SORCS3: variants seen among roughly 807,000 people sequenced by gnomAD.
SORCS3 encodes the protein sortilin related VPS10 domain containing receptor 3.
In SORCS3, 57 loss-of-function variants were observed where a neutral mutation model predicts 146.3. The ratio of observed to expected loss-of-function variants is 0.39; its 90% confidence interval spans 0.31 to 0.49. The LOEUF (loss-of-function observed/expected upper bound fraction) is 0.49, where lower values mean the gene tolerates loss of function less well. Ranked by LOEUF, SORCS3 falls within the 20% of genes least tolerant of loss-of-function variation. The pLI, the probability that SORCS3 is intolerant of heterozygous loss-of-function variation, is 0.92. For synonymous variants in SORCS3, 653 were observed against 618.5 expected (o/e 1.06, Z -0.83); for missense variants, 1,341 against 1,575.5 (o/e 0.85, Z 2.52).
At chr10:104,907,159 C>T (rs1034036461) in intron 2 of SORCS3, among the ~76,000 whole-genome samples, 1 of 133,796 alleles carries the variant, frequency 7.5e-6, no homozygotes, top group South Asian at 2.3e-4. Context: ...GTGTGTAATA[C>T]ACTCTATTTA....
chr10:104,702,339 AG>A (rs1230892973), intron 1 of SORCS3, among the ~76,000 whole-genome samples: 1 of 152,180 alleles, frequency 6.6e-6, no homozygotes, highest in Non-Finnish European at 1.5e-5. Flanking sequence ...GCTGCAGTTC[AG>A]TGGCACGATT....
At chr10:105,139,532 G>C in intron 8 of SORCS3, 46 bp downstream of exon 8, 1 of 1,426,894 alleles carries the variant, frequency 7.0e-7, no homozygotes. Context: ...TAGGCAAAGG[G>C]AGGGTTGGAG....
chr10:105,233,421 T>G (rs774116783), intron 20 of SORCS3, among the ~76,000 whole-genome samples: 7 of 152,212 alleles, frequency 4.6e-5, no homozygotes, highest in Admixed American at 6.5e-5. Context: ...CTTTTTTTAA[T>G]TATACTTTAA....
intron 2 of SORCS3, among the ~76,000 whole-genome samples, chr10:104,884,206 C>G (rs1240498692): frequency 1.3e-5 from 2 of 152,052 alleles, no homozygotes; most frequent in African/African-American, 4.8e-5. Flanking sequence ...AGTTTGCAAC[C>G]CTGCAGGTGA....
intron 3 of SORCS3, among the ~76,000 whole-genome samples, chr10:104,961,246 T>C (rs1391868949): frequency 2.6e-5 from 4 of 152,196 alleles, no homozygotes; most frequent in Non-Finnish European, 5.9e-5. Context: ...ACTCGTTAGA[T>C]ATTTCTGAAA....
intron 3 of SORCS3, among the ~76,000 whole-genome samples, chr10:104,958,500 AG>A (rs1403755061): frequency 6.6e-6 from 1 of 152,202 alleles, no homozygotes; most frequent in African/African-American, 2.4e-5. Context: ...CTGGATTATC[AG>A]GTCGGCCATT....
At chr10:104,765,938 C>G (rs2017175064) in intron 1 of SORCS3, among the ~76,000 whole-genome samples, 1 of 152,156 alleles carries the variant, frequency 6.6e-6, no homozygotes, top group Non-Finnish European at 1.5e-5. Flanking sequence ...TTACTATGTT[C>G]CCACATCTAG....
At chr10:105,160,982 G>T (rs1198528569) in intron 11 of SORCS3, among the ~76,000 whole-genome samples, 1 of 152,192 alleles carries the variant, frequency 6.6e-6, no homozygotes, top group African/African-American at 2.4e-5. Context: ...CCAGCAGAGT[G>T]CACAGAGCAT....
At chr10:105,234,905 A>G (rs1473665739) in intron 20 of SORCS3, among the ~76,000 whole-genome samples, 2 of 151,922 alleles carry the variant, frequency 1.3e-5, no homozygotes, top group Admixed American at 1.3e-4. Context: ...TCCCTTTAGT[A>G]TGCCTTGTAA....
At chr10:105,248,114 G>C (rs1229400898) in intron 22 of SORCS3, among the ~76,000 whole-genome samples, 2 of 152,238 alleles carry the variant, frequency 1.3e-5, no homozygotes, top group African/African-American at 4.8e-5. Context: ...ATTTGCCTTA[G>C]AGAAAGTAAA....
intron 2 of SORCS3, among the ~76,000 whole-genome samples, chr10:104,868,105 C>G (rs538299045): frequency 6.6e-5 from 10 of 152,284 alleles, no homozygotes; most frequent in Non-Finnish European, 1.5e-4. Flanking sequence ...GCTGAGGAGC[C>G]TCATGGCTCA....
intron 4 of SORCS3, among the ~76,000 whole-genome samples, chr10:104,984,720 T>G (rs2054952071): frequency 6.6e-6 from 1 of 152,146 alleles, no homozygotes; most frequent in Non-Finnish European, 1.5e-5. Flanking sequence ...TTGGAGATAT[T>G]GTGGGTTCAG....
chr10:104,993,641 A>G (rs372794414), intron 4 of SORCS3, among the ~76,000 whole-genome samples: 22 of 152,176 alleles, frequency 1.4e-4, no homozygotes, highest in East Asian at 1.3e-3. Context: ...TCAGGCATAG[A>G]TGGTCTCTTG....
chr10:105,164,475 T>C, intron 12 of SORCS3, 96 bp downstream of exon 12: 2 of 947,804 alleles, frequency 2.1e-6, no homozygotes, highest in Non-Finnish European at 3.4e-6. Context: ...CATTATGACT[T>C]TGTAATTTCA....
chr10:105,094,203 G>C (rs2055729889), intron 6 of SORCS3, among the ~76,000 whole-genome samples: 1 of 152,098 alleles, frequency 6.6e-6, no homozygotes, highest in Non-Finnish European at 1.5e-5. Context: ...TTCCAGAGTG[G>C]GGAAAGTATT....
At chr10:105,138,126 A>G (rs914629801) in intron 7 of SORCS3, among the ~76,000 whole-genome samples, 1 of 152,198 alleles carries the variant, frequency 6.6e-6, no homozygotes, top group Admixed American at 6.5e-5. Context: ...TTAGATGTGG[A>G]TGTTTCTCCC....
At chr10:105,016,153 A>AT (rs1242064422) in intron 4 of SORCS3, among the ~76,000 whole-genome samples, 1,465 of 101,330 alleles carry the variant, frequency 0.014, 34 homozygotes, top group African/African-American at 0.07. Flanking sequence ...ATATATATAT[A>AT]TATTTTTTTT....
chr10:104,751,966 T>A lies in SORCS3; in HGVS notation c.628-90826T>A, dbSNP rs4328159. On this transcript the variant is annotated intron_variant, in intron 1 of 26. Coordinates refer to ENST00000369701, the MANE Select transcript of SORCS3 (RefSeq NM_014978.3). ...ATATATATATATATATATATATATA[T>A]ATAATAGTTTAGCAGCAGGAATGAG... 2.2e-3 allele frequency among the ~76,000 whole-genome samples: 242 copies of A among 109,540 alleles called. 7 individuals are homozygous for A. Among genetic ancestry groups the A allele is most frequent in the African/African-American group, 7.8e-3 (199 of 25,640 alleles). The allele number at this position is 109,540 out of a possible 152,430, so 71.9% of individuals were successfully genotyped here. A position where few individuals can be genotyped will look rare whatever the true frequency, so the allele number is the denominator to read the frequency against.
rs1232897602 is a variant in SORCS3 at position 104,696,069 on chromosome 10, AAT to A, written c.627+54122_627+54123del. Reference sequence around the variant, plus strand: ...TATATCATATACACATATTATATATAATATATATCATATACACATATATAATA... The same window carrying A: ...TATATCATATACACATATTATATATAATATATCATATACACATATATAATA... On this transcript the variant is annotated intron_variant, in intron 1 of 26. Coordinates refer to ENST00000369701, the MANE Select transcript of SORCS3 (RefSeq NM_014978.3). 5.1e-3 allele frequency among the ~76,000 whole-genome samples: 467 copies of A among 91,900 alleles called. 29 individuals carry two copies. Among genetic ancestry groups the A allele is most frequent in the African/African-American group, 0.018 (436 of 24,268 alleles). The allele number at this position is 91,900 out of a possible 152,430, so 60.3% of individuals were successfully genotyped here. A position where few individuals can be genotyped will look rare whatever the true frequency, so the allele number is the denominator to read the frequency against.
Sources: allele counts gnomAD v4.1 joint callset (sites outside exome capture counted in the v4.1 genomes callset), GRCh38; gene constraint gnomAD v4.1.1; transcripts MANE v1.5; gene names NCBI Gene and HGNC (gene_info 2026-07-23, HGNC 2026-07-21).